ZNF107: variants seen among roughly 807,000 people sequenced by gnomAD.
The protein encoded by ZNF107 is C2H2 type zinc-finger protein.
A neutral mutation model predicts 12.3 loss-of-function variants in ZNF107; 19 were observed. The observed-to-expected ratio is 1.55, with a 90% CI of 1.08 to 2.27. ZNF107 has a LOEUF of 2.27. Ranked by LOEUF, ZNF107 falls within the 30% of genes most tolerant of loss-of-function variation. The probability of loss-of-function intolerance (pLI) is 0.00; values close to 1 mark genes in which losing one functional copy is unlikely to be tolerated. For synonymous variants in ZNF107, 317 were observed against 330.5 expected, an observed-to-expected ratio of 0.96 and a Z score of 0.44; for missense variants, 958 against 979.9, an observed-to-expected ratio of 0.98 and a Z score of 0.30.
intron 1 of ZNF107, among the ~76,000 whole-genome samples, chr7:64,670,607 GTACCA>G (rs1160183366): frequency 6.6e-6 from 1 of 152,200 alleles, no homozygotes; most frequent in Non-Finnish European, 1.5e-5. Flanking sequence ...AAGAAAAAGA[GTACCA>G]TCTAAGTCAT....
At chr7:64,671,487 C>A (rs1321111054) in intron 1 of ZNF107, among the ~76,000 whole-genome samples, 1 of 152,174 alleles carries the variant, frequency 6.6e-6, no homozygotes, top group Non-Finnish European at 1.5e-5. Context: ...TCTCCACCAA[C>A]CAAGGATTCT....
chr7:64,684,134 C>T (rs1348163976), intron 1 of ZNF107, among the ~76,000 whole-genome samples: 1 of 152,124 alleles, frequency 6.6e-6, no homozygotes, highest in African/African-American at 2.4e-5. Context: ...CCCTCCAACT[C>T]CGAAAGGACT....
chr7:64,684,469 G>T, intron 1 of ZNF107: 1 of 583,684 alleles, frequency 1.7e-6, no homozygotes, highest in Non-Finnish European at 2.2e-6. Flanking sequence ...CTGCTTACAA[G>T]ATCCTCCTCA....
At chr7:64,678,908 A>G (rs1789534812) in intron 1 of ZNF107, 1 of 152,096 alleles carries the variant, frequency 6.6e-6, no homozygotes, top group Non-Finnish European at 1.5e-5. Flanking sequence ...TGCAAGCTCA[A>G]ATATATTCCA....
In ZNF107 at chr7:64,685,097, C is replaced by T. The variant is rs554338392; in HGVS notation, c.4-6151C>T. On this transcript the variant is annotated intron_variant, in intron 1 of 3. Coordinates refer to ENST00000620827, the MANE Select transcript of ZNF107 (RefSeq NM_001282359.2). ...GCCAACTTCTCCATCAATGAAATGA[C>T]CGAAAATACCCTGACAGGTCGTGCA... is the stretch of plus-strand genomic sequence containing the variant. Among the ~76,000 whole-genome samples, 11 of 150,924 alleles carry T rather than the reference C, an allele frequency of 7.3e-5. No individual in the cohort carries two copies. In the South Asian group the frequency reaches 2.1e-3, roughly 28 times the overall value.
rs546470474 is a variant in ZNF107 at position 64,691,145 on chromosome 7, T to G, written c.4-103T>G. ...CCTTGGCCTCCCAAAGTGCTGGGAT[T>G]ACAGGCATGAACCACAGTACCCGAC... On this transcript the variant is annotated intron_variant, in intron 1 of 3. Transcript: ENST00000620827. 2.6e-4 allele frequency: 289 copies of G among 1,115,542 alleles called. 2 individuals are homozygous for G. The South Asian group carries it at 6.7e-3, about 26-fold the overall frequency. 69.1% of individuals were successfully genotyped at this position (1,115,542 alleles called of 1,614,324 possible). A position where few individuals can be genotyped will look rare whatever the true frequency, so the allele number is the denominator to read the frequency against.
At chr7:64,673,220 T>C (rs1789299871) in intron 1 of ZNF107, among the ~76,000 whole-genome samples, 1 of 152,098 alleles carries the variant, frequency 6.6e-6, no homozygotes, top group East Asian at 1.9e-4. Context: ...ATTTTTGTAT[T>C]TTTAGTAGAG....
intron 1 of ZNF107, among the ~76,000 whole-genome samples, chr7:64,677,391 C>G (rs191387612): frequency 6.6e-6 from 1 of 151,346 alleles, no homozygotes; most frequent in Non-Finnish European, 1.5e-5. Context: ...AGGCTGGTCT[C>G]GAACTCATGA....
chr7:64,684,570 G>C, intron 1 of ZNF107: 1 of 985,132 alleles, frequency 1.0e-6, no homozygotes, highest in Non-Finnish European at 1.2e-6. Context: ...TACTCTCCCC[G>C]ACCTCGTTAA....
chr7:64,693,977 G>A (rs1308539990), intron 3 of ZNF107, among the ~76,000 whole-genome samples: 6 of 152,106 alleles, frequency 3.9e-5, no homozygotes, highest in Admixed American at 3.9e-4. Context: ...TAGTAGAGAC[G>A]GAGTTTTACC....
At chr7:64,694,539 G>T (rs1444815064) in intron 3 of ZNF107, among the ~76,000 whole-genome samples, 2 of 149,242 alleles carry the variant, frequency 1.3e-5, no homozygotes, top group East Asian at 3.9e-4. Flanking sequence ...GTTTTTAAAG[G>T]CACTTATTTT....
rs559069198 is a variant in ZNF107, at chr7:64,706,819, C to T, written c.722C>T (p.Ser241Phe). 1.9e-6 allele frequency: 3 copies of T among 1,613,332 alleles called. No homozygotes were observed. In the African/African-American group the frequency reaches 4.0e-5, roughly 22 times the overall value. ...CEECGKAFNQ[S>F]SQLTRHKIIH... is the part of the protein sequence containing the mutation. ...GAATGTGGCAAAGCCTTTAACCAGT[C>T]CTCACAACTTACTAGGCATAAGATA... Residue 241 changes from serine (S) to phenylalanine (F), a missense_variant, in exon 4 of 4, where the codon TCC becomes TTC. Coordinates refer to ENST00000620827, the MANE Select transcript of ZNF107 (RefSeq NM_001282359.2).
intron 3 of ZNF107, among the ~76,000 whole-genome samples, chr7:64,702,541 A>G (rs888539128): frequency 1.1e-4 from 16 of 152,140 alleles, no homozygotes; most frequent in African/African-American, 3.6e-4. Context: ...TTGTTAACAG[A>G]TTAATATTTC....
chr7:64,697,079 G>C (rs1281166490), intron 3 of ZNF107, among the ~76,000 whole-genome samples: 1 of 147,496 alleles, frequency 6.8e-6, no homozygotes, highest in Non-Finnish European at 1.5e-5. Flanking sequence ...TTGGTTTTTT[G>C]TCCTTGCGAT....
chr7:64,691,669 C>T (rs1790123463), intron 2 of ZNF107, among the ~76,000 whole-genome samples, 196 bp from the exon 3 acceptor site: 1 of 152,102 alleles, frequency 6.6e-6, no homozygotes, highest in Non-Finnish European at 1.5e-5. Context: ...TAATTTCCAA[C>T]ACCAATTTTT....
At chr7:64,684,332 C>T (rs1300768213) in intron 1 of ZNF107, among the ~76,000 whole-genome samples, 5 of 152,166 alleles carry the variant, frequency 3.3e-5, no homozygotes, top group Non-Finnish European at 7.3e-5. Context: ...TTACCCACCT[C>T]AGATACCCAG....
chr7:64,698,434 T>C (rs1168285483), intron 3 of ZNF107, among the ~76,000 whole-genome samples: 1 of 152,124 alleles, frequency 6.6e-6, no homozygotes, highest in Non-Finnish European at 1.5e-5. Context: ...TCTTTTTTTT[T>C]TTTCTTTGAG....
At position 64,707,003 on chromosome 7, in the gene ZNF107, A is replaced by G. The variant is rs1790675913; in HGVS notation, c.906A>G (p.Thr302=). The change falls in exon 4 of 4, where the codon ACA becomes ACG. Residue 302 remains threonine, a synonymous_variant. Transcript: ENST00000620827. ...TTAGCCAGTCCTCACACCTTACTAC[A>G]CAAAAGATACTTCACACTGGAGAGA... ...KVFSQSSHLT[T]QKILHTGENL... 1 of 1,613,560 alleles carries G rather than the reference A, an allele frequency of 6.2e-7. No individual in the cohort carries two copies. The highest frequency in any genetic ancestry group is 8.5e-7 in the Non-Finnish European group (1 of 1,179,780).
intron 3 of ZNF107, among the ~76,000 whole-genome samples, chr7:64,704,225 T>C (rs71562923): frequency 0.016 from 2,423 of 152,276 alleles, 19 homozygotes; most frequent in Non-Finnish European, 0.028. Context: ...TTTTTGTATA[T>C]GTGCATATCT....
Sources: allele counts gnomAD v4.1 joint callset (sites outside exome capture counted in the v4.1 genomes callset), GRCh38; gene constraint gnomAD v4.1.1; transcripts MANE v1.5; gene names NCBI Gene and HGNC (gene_info 2026-07-23, HGNC 2026-07-21).